PC: variants seen among roughly 807,000 people sequenced by gnomAD.
PC encodes the protein pyruvate carboxylase, mitochondrial.
PC carries 46 observed loss-of-function variants against 107.8 expected under a neutral mutation model. That is an observed-to-expected ratio of 0.43 (90% CI 0.34 to 0.55). PC has a LOEUF of 0.55. Ranked by LOEUF, PC falls within the 20% of genes least tolerant of loss-of-function variation. The pLI is 0.04. For missense variants in PC, 1,241 were observed against 1,643.1 expected (o/e 0.76, Z 4.23); for synonymous variants, 662 against 684.7 (o/e 0.97, Z 0.52).
intron 3 of PC, among the ~76,000 whole-genome samples, chr11:66,923,089 G>A (rs144664661): frequency 1.3e-5 from 2 of 152,286 alleles, no homozygotes; most frequent in Non-Finnish European, 2.9e-5. Context: ...GCTAGGCACC[G>A]GGCGCGGTGG....
At chr11:66,943,481 G>A (rs1949199128) in intron 3 of PC, among the ~76,000 whole-genome samples, 1 of 151,944 alleles carries the variant, frequency 6.6e-6, no homozygotes, top group African/African-American at 2.4e-5. Flanking sequence ...GCTCACGCCT[G>A]TAATCCCAAC....
chr11:66,947,076 T>C (rs1949316108), intron 3 of PC, among the ~76,000 whole-genome samples: 2 of 152,006 alleles, frequency 1.3e-5, no homozygotes, highest in African/African-American at 4.8e-5. Context: ...GTCAGAAAAT[T>C]TGGCAGTTCA....
chr11:66,898,287 G>A (rs1238469632), intron 3 of PC, among the ~76,000 whole-genome samples: 2 of 152,182 alleles, frequency 1.3e-5, no homozygotes, highest in East Asian at 3.8e-4. Flanking sequence ...TTAAATCACA[G>A]TCTTTTAGCC....
chr11:66,857,933 G>T lies in PC; in HGVS notation c.1369-4550C>A, dbSNP rs1459278714. The T allele has an allele frequency of 2.5e-6, 4 of 1,612,246 alleles. No individual in the cohort carries two copies. The highest frequency in any genetic ancestry group is 3.4e-6 in the Non-Finnish European group (4 of 1,179,948). On this transcript the variant is annotated intron_variant, in intron 12 of 22. Transcript: ENST00000393960. The surrounding 1 kb of genome is among the most constrained non-coding windows in gnomAD (Gnocchi z 7.1). ...TGGCTGACAACTTCATCCAGGCCCT[G>T]GGGCCCCCTGACTTCCGCAACATGA...
In PC at chr11:66,871,588, C is replaced by T. The variant is rs1055127963; in HGVS notation, c.321+99G>A. On this transcript the variant is annotated intron_variant, in intron 5 of 22. Coordinates refer to ENST00000393960, the MANE Select transcript of PC (RefSeq NM_001040716.2). This position sits in a 1 kb window ranked among gnomAD's most constrained non-coding sequence, Gnocchi z 7.4. ...TGAGCTGCATCCGTTTACCCACCCACGCACAGAGGCGCTGAGCACGCCAGC... is the reference window on the plus strand; with the variant it reads ...TGAGCTGCATCCGTTTACCCACCCATGCACAGAGGCGCTGAGCACGCCAGC... 7.0e-6 allele frequency: 11 copies of T among 1,573,630 alleles called. No individual in the cohort carries two copies. Among genetic ancestry groups the T allele is most frequent in the Admixed American group, 3.4e-5 (2 of 58,506 alleles).
chr11:66,917,373 C>T (rs1315169504), intron 3 of PC, among the ~76,000 whole-genome samples: 1 of 152,074 alleles, frequency 6.6e-6, no homozygotes, highest in Non-Finnish European at 1.5e-5. Flanking sequence ...TGTACCTGGT[C>T]CCCACTTAGA....
Position 66,853,133 on chromosome 11 carries a change from G to A in PC, c.1513+106C>T, listed in dbSNP as rs562321177. The A allele has an allele frequency of 8.3e-5, 107 of 1,292,956 alleles. 1 individual carries two copies. The South Asian group carries it at 1.4e-3, about 16-fold the overall frequency. 80.1% of individuals were successfully genotyped at this position (1,292,956 alleles called of 1,614,324 possible). Reference sequence around the variant, plus strand: ...AATGAGGGCAGGGGTGAGGGGCAGGGGGCACTAAGGAGTTCTTTGGTCATG... The same window carrying A: ...AATGAGGGCAGGGGTGAGGGGCAGGAGGCACTAAGGAGTTCTTTGGTCATG... On this transcript the variant is annotated intron_variant, in intron 13 of 22. Transcript: ENST00000393960.
In PC at chr11:66,849,220, G is replaced by T; in HGVS notation, c.3288+10C>A. On this transcript the variant is annotated intron_variant, in intron 22 of 22. Coordinates refer to ENST00000393960, the MANE Select transcript of PC (RefSeq NM_001040716.2). Reference sequence around the variant, plus strand: ...CCCCACCGCCTGGCTGGCCCTGGGGGAGACAATACCTTCATGGCCTGGGTG... The same window carrying T: ...CCCCACCGCCTGGCTGGCCCTGGGGTAGACAATACCTTCATGGCCTGGGTG... The T allele has an allele frequency of 6.2e-7, 1 of 1,613,804 alleles. No homozygotes were observed. The highest frequency in any genetic ancestry group is 8.5e-7 in the Non-Finnish European group (1 of 1,180,044).
intron 3 of PC, among the ~76,000 whole-genome samples, chr11:66,903,705 G>A (rs540697414): frequency 4.3e-4 from 53 of 123,618 alleles, no homozygotes; most frequent in Non-Finnish European, 3.0e-4. Context: ...CCAAGATGGT[G>A]CCATTGCACT....
chr11:66,940,199 C>CTTTTT (rs144463616), intron 3 of PC, among the ~76,000 whole-genome samples: 1 of 137,410 alleles, frequency 7.3e-6, no homozygotes, highest in Non-Finnish European at 1.6e-5. Flanking sequence ...GTTCCCAAAA[C>CTTTTT]TTTTTTTTTT....
intron 3 of PC, among the ~76,000 whole-genome samples, chr11:66,904,863 T>C (rs1281707395): frequency 1.3e-5 from 2 of 152,218 alleles, no homozygotes; most frequent in South Asian, 2.1e-4. Flanking sequence ...ATCCATCATA[T>C]GACCTTGGGG....
rs1946737144 is a variant in PC, at chr11:66,871,609, C to T, written c.321+78G>A. The stretch of plus-strand genomic sequence containing the variant: ...CCCACGCACAGAGGCGCTGAGCACG[C>T]CAGCCTCAAGAGACCCCCGCGGCAA... On this transcript the variant is annotated intron_variant, in intron 5 of 22. Transcript: ENST00000393960. This position sits in a 1 kb window ranked among gnomAD's most constrained non-coding sequence, Gnocchi z 7.4. The T allele has an allele frequency of 6.4e-6, 10 of 1,569,254 alleles. No individual in the cohort carries two copies. Among genetic ancestry groups the T allele is most frequent in the Non-Finnish European group, 4.3e-6 (5 of 1,150,760 alleles).
intron 3 of PC, among the ~76,000 whole-genome samples, chr11:66,923,309 C>A (rs553797885): frequency 6.7e-6 from 1 of 149,174 alleles, no homozygotes; most frequent in African/African-American, 2.5e-5. Flanking sequence ...TTGCAGTGAG[C>A]CAAGATTGCG....
At chr11:66,863,016 TG>T (rs35124112) in intron 12 of PC, among the ~76,000 whole-genome samples, 1,847 of 151,858 alleles carry the variant, frequency 0.012, 21 homozygotes, top group South Asian at 0.02. Context: ...TCTTGCCTGG[TG>T]GGGGGGGATC....
At chr11:66,941,905 T>C (rs955070117) in intron 3 of PC, among the ~76,000 whole-genome samples, 4 of 150,628 alleles carry the variant, frequency 2.7e-5, no homozygotes, top group Non-Finnish European at 5.9e-5. Flanking sequence ...GAGTTTGAGA[T>C]CAGCCTGACC....
intron 17 of PC, 43 bp downstream of exon 17, chr11:66,850,997 T>A: frequency 1.2e-6 from 2 of 1,609,914 alleles, no homozygotes; most frequent in East Asian, 4.5e-5. Flanking sequence ...GGCGGGGACA[T>A]GGCCGGGGCA....
chr11:66,933,091 G>A (rs1948902152), intron 3 of PC, among the ~76,000 whole-genome samples: 1 of 152,078 alleles, frequency 6.6e-6, no homozygotes, highest in Non-Finnish European at 1.5e-5. Flanking sequence ...TTGCTAGGAG[G>A]CAGTTTCAGC....
Position 66,852,010 on chromosome 11 carries a change from A to G in PC, c.1826-64T>C, listed in dbSNP as rs112606474. 6.4e-7 allele frequency: 1 copy of G among 1,550,906 alleles called. No individual in the cohort carries two copies. The highest frequency in any genetic ancestry group is 8.8e-7 in the Non-Finnish European group (1 of 1,132,182). ...CCTGGGGAACTCCACCAGGCCTTGG[A>G]GCTAGCTCTGCAGCACAAGCCTCTG... On this transcript the variant is annotated intron_variant, in intron 15 of 22. Transcript: ENST00000393960. This position sits in a 1 kb window ranked among gnomAD's most constrained non-coding sequence, Gnocchi z 4.7.
At chr11:66,856,211 G>A (rs1470395716) in intron 12 of PC, among the ~76,000 whole-genome samples, 1 of 152,276 alleles carries the variant, frequency 6.6e-6, no homozygotes, top group Non-Finnish European at 1.5e-5. Context: ...GAAATGGCCC[G>A]GCGGCGACAG....
Sources: allele counts gnomAD v4.1 joint callset (sites outside exome capture counted in the v4.1 genomes callset), GRCh38; gene constraint gnomAD v4.1.1; non-coding constraint Gnocchi (gnomAD v3.1); transcripts MANE v1.5; gene names NCBI Gene and HGNC (gene_info 2026-07-23, HGNC 2026-07-21).